Variants in SLC24A2 observed in about 807,000 individuals in gnomAD.
SLC24A2 encodes sodium/potassium/calcium exchanger 2.
Under a neutral mutation model 62.0 loss-of-function variants are expected in SLC24A2, and 36 were observed. That is an observed-to-expected ratio of 0.58 (90% CI 0.44 to 0.77). The LOEUF is 0.77. SLC24A2 is among the 30% of genes least tolerant of loss of function. The pLI is 0.00. For synonymous variants in SLC24A2, 358 were observed against 294.0 expected (o/e 1.22, Z -2.23); for missense variants, 846 against 817.9 (o/e 1.03, Z -0.42).
At chr9:20,186,724 C>T in the SLC24A2 span, among the ~76,000 whole-genome samples, 5 of 152,232 alleles carry the variant, frequency 3.3e-5, no homozygotes, top group Non-Finnish European at 7.4e-5. Context: ...ATGCCTATCT[C>T]CTCAAATTAT....
the SLC24A2 span, among the ~76,000 whole-genome samples, chr9:20,070,912 G>A: frequency 3.3e-5 from 5 of 152,134 alleles, no homozygotes; most frequent in Admixed American, 1.3e-4. Context: ...TGTAATCCCC[G>A]GTGTTGGAGG....
chr9:19,602,224 G>A (rs145770846), intron 4 of SLC24A2, among the ~76,000 whole-genome samples: 232 of 152,278 alleles, frequency 1.5e-3, no homozygotes, highest in Non-Finnish European at 2.3e-3. Flanking sequence ...ATATGTTGTT[G>A]TAAGGAGCTT....
the SLC24A2 span, among the ~76,000 whole-genome samples, chr9:20,169,257 T>C: frequency 4.6e-5 from 7 of 151,908 alleles, no homozygotes; most frequent in African/African-American, 1.7e-4. Context: ...GTTTGGAGTA[T>C]AGATTTAAGA....
At chr9:19,969,591 C>A in the SLC24A2 span, among the ~76,000 whole-genome samples, 1 of 152,154 alleles carries the variant, frequency 6.6e-6, no homozygotes, top group Admixed American at 6.6e-5. Context: ...TTAGCTACTT[C>A]CAGTGCCTCT....
At chr9:20,025,114 C>G in the SLC24A2 span, among the ~76,000 whole-genome samples, 1 of 152,154 alleles carries the variant, frequency 6.6e-6, no homozygotes, top group Non-Finnish European at 1.5e-5. Context: ...CAATACTTAA[C>G]CAAAGTTCAC....
At chr9:20,303,531 G>C in the SLC24A2 span, among the ~76,000 whole-genome samples, 13 of 152,182 alleles carry the variant, frequency 8.5e-5, no homozygotes, top group African/African-American at 2.4e-4. Context: ...ATAGTTTAAG[G>C]GCCACAAAAG....
chr9:20,144,316 C>T, the SLC24A2 span, among the ~76,000 whole-genome samples: 1 of 152,096 alleles, frequency 6.6e-6, no homozygotes, highest in Non-Finnish European at 1.5e-5. Context: ...AAAACAGAAA[C>T]CTTAAACACC....
the SLC24A2 span, among the ~76,000 whole-genome samples, chr9:20,116,905 G>A: frequency 6.6e-6 from 1 of 152,232 alleles, no homozygotes; most frequent in East Asian, 1.9e-4. Flanking sequence ...GCCACAGTCA[G>A]GTTAAGCCCT....
chr9:20,210,185 T>TG, the SLC24A2 span, among the ~76,000 whole-genome samples: 1 of 152,126 alleles, frequency 6.6e-6, no homozygotes. Context: ...TGGTTTTCTT[T>TG]GGGGGACAGG....
At chr9:19,670,411 G>C (rs759566115) in intron 2 of SLC24A2, among the ~76,000 whole-genome samples, 1 of 152,094 alleles carries the variant, frequency 6.6e-6, no homozygotes, top group Non-Finnish European at 1.5e-5. Flanking sequence ...AAACCACATA[G>C]TCTATCAACC....
the SLC24A2 span, among the ~76,000 whole-genome samples, chr9:20,209,932 A>G: frequency 8.5e-5 from 13 of 152,222 alleles, no homozygotes; most frequent in Non-Finnish European, 1.9e-4. Context: ...GACCTTGATC[A>G]TAAGGCCTTT....
intron 7 of SLC24A2, among the ~76,000 whole-genome samples, chr9:19,559,657 A>C (rs149797531): frequency 2.6e-5 from 4 of 152,332 alleles, no homozygotes; most frequent in African/African-American, 9.6e-5. Flanking sequence ...TTGCCAAATG[A>C]AAGGTGCCCC....
At chr9:19,792,545 A>T, upstream of SLC24A2, among the ~76,000 whole-genome samples, 1 of 150,196 alleles carries the variant, frequency 6.7e-6, no homozygotes, top group Admixed American at 6.6e-5. Flanking sequence ...ACAAAAAAAA[A>T]AAAAAAAAAA....
At chr9:19,954,072 A>G in the SLC24A2 span, among the ~76,000 whole-genome samples, 22 of 152,146 alleles carry the variant, frequency 1.4e-4, no homozygotes, top group African/African-American at 4.6e-4. Context: ...AAAAGAAGAA[A>G]GCTCCTGAGA....
At chr9:19,836,659 A>G in the SLC24A2 span, among the ~76,000 whole-genome samples, 4 of 152,174 alleles carry the variant, frequency 2.6e-5, no homozygotes, top group South Asian at 2.1e-4. Context: ...ACAAGGAGGA[A>G]CTGGTACCAT....
chr9:19,670,218 C>T (rs572410499), intron 2 of SLC24A2, among the ~76,000 whole-genome samples: 1 of 152,234 alleles, frequency 6.6e-6, no homozygotes, highest in Admixed American at 6.5e-5. Context: ...GTGGTAAGTA[C>T]AAGTAAGAAT....
rs143987054 is a variant in SLC24A2, at chr9:19,785,992, T to A, written c.875A>T (p.Gln292Leu). Residue 292 changes from glutamine to leucine, a missense_variant, in exon 2 of 11, where the codon CAA becomes CTA. Gln to Leu is a moderately radical substitution (Grantham distance 113). Transcript: ENST00000341998. ...FNVQVEKWVK[Q>L]MINRNKVVKV... ...GACGACCTTATTGCGGTTTATCATTTGCTTCACCCATTTTTCTACTTGGAC... is the reference window on the plus strand; with the variant it reads ...GACGACCTTATTGCGGTTTATCATTAGCTTCACCCATTTTTCTACTTGGAC... 2 of 1,614,218 alleles carry A rather than the reference T, an allele frequency of 1.2e-6. No individual in the cohort carries two copies. Among genetic ancestry groups the A allele is most frequent in the Middle Eastern group, 1.6e-4 (1 of 6,062 alleles).
the SLC24A2 span, among the ~76,000 whole-genome samples, chr9:19,889,006 G>A: frequency 3.3e-5 from 5 of 152,136 alleles, no homozygotes; most frequent in African/African-American, 7.2e-5. Flanking sequence ...CCTGGCTCAC[G>A]AGTCAGAGAA....
rs188195314 is a variant in SLC24A2 at position 19,609,163 on chromosome 9, C to T, written c.1078+10421G>A. Among the ~76,000 whole-genome samples the T allele has an allele frequency of 2.0e-3, 305 of 152,376 alleles. 1 individual carries two copies. Among genetic ancestry groups the T allele is most frequent in the Non-Finnish European group, 4.1e-4 (28 of 68,040 alleles). ...CGTGCCTGCTGTACATCCACCAGGG[C>T]GCTTGCCATGCCAGAAGGCCACTTA... On this transcript the variant is annotated intron_variant, in intron 4 of 10. Transcript: ENST00000341998.
Sources: gnomAD v4.1 joint callset for allele counts (sites outside exome capture counted in the v4.1 genomes callset) on GRCh38, gnomAD v4.1.1 for gene constraint, MANE v1.5 for transcripts, NCBI Gene and HGNC (gene_info 2026-07-23, HGNC 2026-07-21) for gene names.